The following CLTCL1 variants were observed in gnomAD, a reference collection of about 807,000 sequenced individuals.
CLTCL1 encodes clathrin heavy chain 2.
A neutral mutation model predicts 190.0 loss-of-function variants in CLTCL1; 159 were observed. The observed-to-expected ratio is 0.84, with a 90% CI of 0.74 to 0.95. The LOEUF (loss-of-function observed/expected upper bound fraction) is 0.95, where lower values mean the gene tolerates loss of function less well. Among genes scored for constraint, CLTCL1 ranks in the 40% least tolerant of loss-of-function variants. The pLI is 0.00. For synonymous variants in CLTCL1, 752 were observed against 769.6 expected, an observed-to-expected ratio of 0.98 and a Z score of 0.38; for missense variants, 1,878 against 2,033.4, an observed-to-expected ratio of 0.92 and a Z score of 1.47.
chr22:19,221,594 G>A lies in CLTCL1; in HGVS notation c.2579C>T (p.Pro860Leu). The A allele has an allele frequency of 1.3e-6, 2 of 1,589,844 alleles. No individual in the cohort carries two copies. Among genetic ancestry groups the A allele is most frequent in the Non-Finnish European group, 1.7e-6 (2 of 1,167,700 alleles). The change falls in exon 17 of 33, where the codon CCC becomes CTC. Residue 860 changes from proline (P) to leucine (L), a missense_variant. Coordinates refer to ENST00000427926, the MANE Select transcript of CLTCL1 (RefSeq NM_007098.4). ...TTCCTGAATCTGGGACTCCAGCCAG[G>A]GAAGCAGCAGCTTGAGCCTTTGAAA... ...EKRNRLKLLL[P>L]WLESQIQEGC...
In CLTCL1 at chr22:19,291,588, G is replaced by C; in HGVS notation, c.42+12C>G. On this transcript the variant is annotated intron_variant, in intron 1 of 32. Coordinates refer to ENST00000427926, the MANE Select transcript of CLTCL1 (RefSeq NM_007098.4). ...GGCTGACAGGGCAGCCCCCCAGCCC[G>C]CCGGGCCTCACCTGGAAGTGCTCCT... 7.2e-7 allele frequency: 1 copy of C among 1,381,114 alleles called. No individual in the cohort carries two copies. The highest frequency in any genetic ancestry group is 9.5e-7 in the Non-Finnish European group (1 of 1,053,638). 85.6% of individuals were successfully genotyped at this position (1,381,114 alleles called of 1,614,324 possible).
intron 29 of CLTCL1, chr22:19,184,470 C>T (rs1555927338): frequency 8.8e-6 from 4 of 456,010 alleles, no homozygotes; most frequent in Non-Finnish European, 1.8e-5. Context: ...GCTGAGCTGG[C>T]TCCGGAAAGA....
chr22:19,276,739 G>T (rs940269082), intron 1 of CLTCL1, among the ~76,000 whole-genome samples: 1 of 151,962 alleles, frequency 6.6e-6, no homozygotes, highest in Non-Finnish European at 1.5e-5. Context: ...GTGCGATCTC[G>T]GCTCACTGCA....
At chr22:19,208,392 G>T in intron 21 of CLTCL1, 81 bp from the exon 22 acceptor site, 1 of 1,513,074 alleles carries the variant, frequency 6.6e-7, no homozygotes, top group Middle Eastern at 2.4e-4. Context: ...TCTGTTCTCA[G>T]CCAGACACAT....
At chr22:19,273,574 C>T (rs966675085) in intron 2 of CLTCL1, among the ~76,000 whole-genome samples, 7 of 152,100 alleles carry the variant, frequency 4.6e-5, no homozygotes, top group African/African-American at 1.4e-4. Flanking sequence ...ACACAGCAAG[C>T]ACAGAAAAAA....
chr22:19,203,334 A>G (rs1248248007), intron 22 of CLTCL1, among the ~76,000 whole-genome samples: 1 of 152,010 alleles, frequency 6.6e-6, no homozygotes, highest in Non-Finnish European at 1.5e-5. Flanking sequence ...ATAAAATAAA[A>G]CTAATCCAAC....
chr22:19,235,027 C>G (rs2086036080), intron 6 of CLTCL1, among the ~76,000 whole-genome samples: 1 of 152,168 alleles, frequency 6.6e-6, no homozygotes, highest in Non-Finnish European at 1.5e-5. Flanking sequence ...TACAGAGTTT[C>G]TTTCTTTTTT....
At chr22:19,202,474 T>TCATCCACG (rs1569164078) in intron 22 of CLTCL1, among the ~76,000 whole-genome samples, 3 of 29,782 alleles carry the variant, frequency 1.0e-4, no homozygotes, top group African/African-American at 3.5e-4. Flanking sequence ...ACCCCTCCTT[T>TCATCCACG]GCCATCCACG....
rs575087282 is a variant in CLTCL1, at chr22:19,271,939, T to C, written c.250+3684A>G. On this transcript the variant is annotated intron_variant, in intron 2 of 32. Coordinates refer to ENST00000427926, the MANE Select transcript of CLTCL1 (RefSeq NM_007098.4). ...CTGGGCAACATAGTCAGATACCATC[T>C]CTACAAAAAATGTTTAAACATTAGC... Among the ~76,000 whole-genome samples the C allele has an allele frequency of 2.1e-4, 32 of 152,264 alleles. No individual in the cohort carries two copies. In the South Asian group the frequency reaches 6.4e-3, roughly 31 times the overall value.
chr22:19,199,649 C>G, intron 24 of CLTCL1, 85 bp downstream of exon 24: 1 of 981,488 alleles, frequency 1.0e-6, no homozygotes, highest in South Asian at 1.7e-5. Context: ...GTGATGGTCA[C>G]GAGCTAAGGG....
chr22:19,280,749 G>A (rs1409331244), intron 1 of CLTCL1, among the ~76,000 whole-genome samples: 23 of 150,652 alleles, frequency 1.5e-4, no homozygotes, highest in Admixed American at 4.6e-4. Flanking sequence ...AACCCAGGAG[G>A]TGGAGGTTGC....
Position 19,199,753 on chromosome 22 carries a change from T to C in CLTCL1, c.3854A>G (p.Glu1285Gly). 1.3e-6 allele frequency: 2 copies of C among 1,590,046 alleles called. No individual in the cohort carries two copies. Among genetic ancestry groups the C allele is most frequent in the Non-Finnish European group, 1.7e-6 (2 of 1,168,362 alleles). Residue 1285 changes from glutamate to glycine, a missense_variant, in exon 24 of 33, where the codon GAG (glutamate) becomes GGG (glycine). By Grantham distance (98) the Glu-to-Gly change is moderately conservative. Coordinates refer to ENST00000427926, the MANE Select transcript of CLTCL1 (RefSeq NM_007098.4). Reference protein sequence around the residue: ...HIVIHADELEELMCYYQDRGY... With the variant: ...HIVIHADELEGLMCYYQDRGY... ...GGTCACCTGGTAATAGCACATCAGC[T>C]CCTCCAGCTCATCTGCATGAATGAC...
intron 2 of CLTCL1, among the ~76,000 whole-genome samples, chr22:19,259,981 T>C (rs2086889376): frequency 6.6e-6 from 1 of 152,176 alleles, no homozygotes; most frequent in African/African-American, 2.4e-5. Context: ...ACATTAATGA[T>C]AAGAAAACAA....
chr22:19,190,967 G>A (rs577188945), intron 27 of CLTCL1, among the ~76,000 whole-genome samples: 2 of 152,076 alleles, frequency 1.3e-5, no homozygotes, highest in African/African-American at 2.4e-5. Flanking sequence ...TAGTAGAGAC[G>A]GGGTTTCACC....
intron 19 of CLTCL1, among the ~76,000 whole-genome samples, chr22:19,214,067 C>T (rs1467376640): frequency 3.9e-5 from 6 of 152,206 alleles, no homozygotes; most frequent in African/African-American, 7.2e-5. Context: ...TTATCTGGAT[C>T]GCTCTTAGAG....
At chr22:19,271,119 C>A (rs1031830567) in intron 2 of CLTCL1, among the ~76,000 whole-genome samples, 1 of 151,716 alleles carries the variant, frequency 6.6e-6, no homozygotes, top group Non-Finnish European at 1.5e-5. Context: ...GCCAACTCTG[C>A]CGCACAGATA....
Position 19,201,312 on chromosome 22 carries a change from A to G in CLTCL1, c.3765+17T>C. The G allele has an allele frequency of 6.2e-7, 1 of 1,600,476 alleles. No individual in the cohort carries two copies. Among genetic ancestry groups the G allele is most frequent in the South Asian group, 1.1e-5 (1 of 89,658 alleles). On this transcript the variant is annotated intron_variant, in intron 23 of 32. Coordinates refer to ENST00000427926, the MANE Select transcript of CLTCL1 (RefSeq NM_007098.4). ...CTGTCCAGCACACTCTGCCGTCTGC[A>G]GTTGCCCGCAGCTCACCTCCTTCCA...
chr22:19,226,415 G>C, intron 11 of CLTCL1, 32 bp from the exon 12 acceptor site: 1 of 1,612,180 alleles, frequency 6.2e-7, no homozygotes, highest in South Asian at 1.1e-5. Context: ...GAGAAGCCCT[G>C]ATCAATGGCA....
chr22:19,211,267 G>A (rs2085211378), intron 19 of CLTCL1, among the ~76,000 whole-genome samples: 1 of 152,116 alleles, frequency 6.6e-6, no homozygotes, highest in Non-Finnish European at 1.5e-5. Context: ...CTCAATCTGA[G>A]AAAGTACATC....
Sources: gnomAD v4.1 joint callset for allele counts (sites outside exome capture counted in the v4.1 genomes callset) on GRCh38, gnomAD v4.1.1 for gene constraint, MANE v1.5 for transcripts, NCBI Gene and HGNC (gene_info 2026-07-23, HGNC 2026-07-21) for gene names.